Variants in CDKAL1 observed in about 807,000 individuals in gnomAD.
CDKAL1 encodes the protein CDKAL1 threonylcarbamoyladenosine tRNA methylthiotransferase, also known as threonylcarbamoyladenosine tRNA methylthiotransferase.
CDKAL1 carries 32 observed loss-of-function variants against 68.2 expected under a neutral mutation model. The ratio of observed to expected loss-of-function variants is 0.47; its 90% CI spans 0.35 to 0.63. The LOEUF (loss-of-function observed/expected upper bound fraction) is 0.63. CDKAL1 is among the 30% of genes least tolerant of loss of function. CDKAL1 has a pLI of 0.00. For missense variants in CDKAL1, 606 were observed against 696.7 expected (o/e 0.87, Z 1.47); for synonymous variants, 234 against 244.3 (o/e 0.96, Z 0.39).
chr6:20,962,589 A>G (rs1340511418), intron 10 of CDKAL1, among the ~76,000 whole-genome samples: 1 of 152,214 alleles, frequency 6.6e-6, no homozygotes. Context: ...AACTCAATAC[A>G]TGCTGTGCTT....
At chr6:20,964,940 G>A (rs530971156) in intron 10 of CDKAL1, among the ~76,000 whole-genome samples, 5 of 152,088 alleles carry the variant, frequency 3.3e-5, no homozygotes, top group Admixed American at 6.5e-5. Flanking sequence ...GTTAATTTTC[G>A]TGAGAGGAAA....
intron 4 of CDKAL1, among the ~76,000 whole-genome samples, chr6:20,631,605 T>C (rs1224739040): frequency 6.6e-6 from 1 of 152,186 alleles, no homozygotes; most frequent in Non-Finnish European, 1.5e-5. Flanking sequence ...AAATCTAATC[T>C]CTGAACTCTT....
In CDKAL1 at chr6:21,107,555, G is replaced by A. The variant is rs147688806; in HGVS notation, c.1237-846G>A. On this transcript the variant is annotated intron_variant, in intron 12 of 15. Coordinates refer to ENST00000274695, the MANE Select transcript of CDKAL1 (RefSeq NM_017774.3). ...TAATTCTCCTGCCTCAGCTTCCTGA[G>A]TAGCTCAGATTACAGGTGTCCACCA... Among the ~76,000 whole-genome samples, 1,283 of 152,136 alleles carry A rather than the reference G, an allele frequency of 8.4e-3. 9 individuals carry two copies. Among genetic ancestry groups the A allele is most frequent in the Non-Finnish European group, 0.014 (942 of 67,994 alleles).
At chr6:21,220,540 C>T (rs565416809) in intron 15 of CDKAL1, among the ~76,000 whole-genome samples, 11 of 152,276 alleles carry the variant, frequency 7.2e-5, no homozygotes, top group Non-Finnish European at 1.6e-4. Context: ...GCCAGCGCAC[C>T]ACTGTTGGCA....
intron 12 of CDKAL1, among the ~76,000 whole-genome samples, chr6:21,094,509 ACT>A (rs950912428): frequency 6.6e-6 from 1 of 152,186 alleles, no homozygotes; most frequent in African/African-American, 2.4e-5. Flanking sequence ...AAATAGACAA[ACT>A]CTCCAAGATA....
chr6:20,717,699 T>C (rs1338722912), intron 5 of CDKAL1, among the ~76,000 whole-genome samples: 1 of 152,202 alleles, frequency 6.6e-6, no homozygotes, highest in Non-Finnish European at 1.5e-5. Flanking sequence ...TTGGTTGTTA[T>C]TGTGGTTAGC....
At chr6:21,072,944 A>G (rs1243643068) in intron 12 of CDKAL1, among the ~76,000 whole-genome samples, 2 of 152,152 alleles carry the variant, frequency 1.3e-5, no homozygotes, top group African/African-American at 4.8e-5. Context: ...TAGTATCATC[A>G]GAATAATTCC....
At chr6:20,613,092 A>T (rs1766703573) in intron 4 of CDKAL1, among the ~76,000 whole-genome samples, 2 of 151,912 alleles carry the variant, frequency 1.3e-5, no homozygotes, top group East Asian at 1.9e-4. Flanking sequence ...ACACATATAT[A>T]TATACATACA....
Position 20,728,333 on chromosome 6 carries a change from A to T in CDKAL1, c.372-11186A>T, listed in dbSNP as rs993968741. On this transcript the variant is annotated intron_variant, in intron 5 of 15. Coordinates refer to ENST00000274695, the MANE Select transcript of CDKAL1 (RefSeq NM_017774.3). The stretch of plus-strand genomic sequence containing the variant: ...AATGAATTTCAAAAATCATATATAA[A>T]AGGAAGTTGTTGATTTTCATCGTTT... Among the ~76,000 whole-genome samples, 4 of 152,288 alleles carry T rather than the reference A, an allele frequency of 2.6e-5. No individual in the cohort carries two copies. In the East Asian group the frequency reaches 7.7e-4, roughly 29 times the overall value.
At chr6:20,847,478 C>T (rs965802481) in intron 9 of CDKAL1, among the ~76,000 whole-genome samples, 1 of 152,236 alleles carries the variant, frequency 6.6e-6, no homozygotes, top group Non-Finnish European at 1.5e-5. Context: ...ATCTACCAAA[C>T]ACTGCAACTT....
intron 12 of CDKAL1, among the ~76,000 whole-genome samples, chr6:21,071,147 T>A (rs1303920120): frequency 6.6e-6 from 1 of 152,246 alleles, no homozygotes; most frequent in Non-Finnish European, 1.5e-5. Flanking sequence ...TTATAGTTTT[T>A]AAACATTTAT....
At chr6:20,816,025 G>A (rs1777028865) in intron 8 of CDKAL1, among the ~76,000 whole-genome samples, 1 of 151,968 alleles carries the variant, frequency 6.6e-6, no homozygotes, top group African/African-American at 2.4e-5. Flanking sequence ...TCTAGCTTCT[G>A]CTCATTGCTA....
At chr6:21,015,898 A>C (rs1330115841) in intron 11 of CDKAL1, among the ~76,000 whole-genome samples, 1 of 150,706 alleles carries the variant, frequency 6.6e-6, no homozygotes. Context: ...CAGTGAGCTG[A>C]GATTGTGCCA....
At chr6:20,718,818 T>C (rs1358437667) in intron 5 of CDKAL1, among the ~76,000 whole-genome samples, 6 of 152,170 alleles carry the variant, frequency 3.9e-5, no homozygotes, top group Non-Finnish European at 8.8e-5. Context: ...ATTTTTACTT[T>C]TTTTATAATT....
chr6:21,198,533 A>G (rs796279553), intron 14 of CDKAL1, among the ~76,000 whole-genome samples: 3 of 152,150 alleles, frequency 2.0e-5, no homozygotes, highest in East Asian at 3.9e-4. Context: ...TGGTTGGTTG[A>G]TTGGTTGGTT....
chr6:20,985,907 T>A (rs1466819841), intron 10 of CDKAL1, among the ~76,000 whole-genome samples: 1 of 152,198 alleles, frequency 6.6e-6, no homozygotes, highest in African/African-American at 2.4e-5. Context: ...TTCTTTCTCA[T>A]TTTTATATGC....
chr6:21,049,501 G>T (rs1285487183), intron 11 of CDKAL1, among the ~76,000 whole-genome samples: 1 of 152,070 alleles, frequency 6.6e-6, no homozygotes, highest in Non-Finnish European at 1.5e-5. Flanking sequence ...TAAAAATTCT[G>T]TGAAATTTAA....
chr6:20,819,678 A>C (rs1348409141), intron 8 of CDKAL1, among the ~76,000 whole-genome samples: 1 of 152,186 alleles, frequency 6.6e-6, no homozygotes, highest in Non-Finnish European at 1.5e-5. Context: ...CATTAAACAA[A>C]TGGGGTGCTT....
At chr6:20,871,255 CAAT>C (rs1374462987) in intron 9 of CDKAL1, among the ~76,000 whole-genome samples, 1 of 152,136 alleles carries the variant, frequency 6.6e-6, no homozygotes, top group Non-Finnish European at 1.5e-5. Context: ...GCTTCTTTAT[CAAT>C]AAGCTGAATA....
Sources: gnomAD v4.1 joint callset for allele counts (sites outside exome capture counted in the v4.1 genomes callset) on GRCh38, gnomAD v4.1.1 for gene constraint, MANE v1.5 for transcripts, NCBI Gene and HGNC (gene_info 2026-07-23, HGNC 2026-07-21) for gene names.